The following PXN variants were observed in gnomAD, a reference collection of about 807,000 sequenced individuals.
The protein encoded by PXN is paxillin, also known as testicular tissue protein Li 134.
In PXN, 61 loss-of-function variants were observed where a neutral mutation model predicts 103.6. The observed-to-expected ratio is 0.59, with a 90% CI of 0.48 to 0.73. The LOEUF (loss-of-function observed/expected upper bound fraction) is 0.73. PXN is among the 30% of genes least tolerant of loss of function. The pLI is 0.00. For synonymous variants in PXN, 562 were observed against 607.8 expected, an observed-to-expected ratio of 0.92 and a Z score of 1.11; for missense variants, 1,274 against 1,460.3, an observed-to-expected ratio of 0.87 and a Z score of 2.08.
At position 120,222,759 on chromosome 12, in the gene PXN, G is replaced by A. The variant is rs941506629; in HGVS notation, c.494-9C>T. ...GCTTGAGTTGGCCTCATCTTGCAGA[G>A]AGGAGAGAAAAAGGCTGCTCAGCCC... On this transcript the variant is annotated splice_polypyrimidine_tract_variant and intron_variant, in intron 4 of 14. Transcript: ENST00000637617. This position sits in a 1 kb window ranked among gnomAD's most constrained non-coding sequence, Gnocchi z 4.7. 1 of 1,602,446 alleles carries A rather than the reference G, an allele frequency of 6.2e-7. No individual in the cohort carries two copies. Among genetic ancestry groups the A allele is most frequent in the African/African-American group, 1.3e-5 (1 of 74,494 alleles).
chr12:120,233,069 C>A (rs1047849446), intron 1 of PXN, among the ~76,000 whole-genome samples: 2 of 152,210 alleles, frequency 1.3e-5, no homozygotes, highest in Non-Finnish European at 2.9e-5. Context: ...CCACAGCCAA[C>A]CACTTGGACT....
intron 1 of PXN, among the ~76,000 whole-genome samples, chr12:120,263,559 G>A (rs1430726664): frequency 6.6e-6 from 1 of 152,212 alleles, no homozygotes; most frequent in Admixed American, 6.5e-5. Flanking sequence ...GTCATTTCAT[G>A]GCTGTGCAGC....
At chr12:120,257,697 A>G (rs1893238636) in intron 1 of PXN, among the ~76,000 whole-genome samples, 2 of 152,218 alleles carry the variant, frequency 1.3e-5, no homozygotes, top group Admixed American at 6.5e-5. Flanking sequence ...TGGGGATTCC[A>G]GGAGGGGGAG....
intron 1 of PXN, among the ~76,000 whole-genome samples, chr12:120,231,524 G>C (rs982943955): frequency 3.9e-5 from 6 of 152,164 alleles, no homozygotes; most frequent in African/African-American, 1.4e-4. Context: ...CAGGAAGCCA[G>C]GGGAGAAGGC....
chr12:120,255,708 T>A (rs1436300150), intron 1 of PXN, among the ~76,000 whole-genome samples: 1 of 150,344 alleles, frequency 6.7e-6, no homozygotes, highest in Non-Finnish European at 1.5e-5. Context: ...AAGATAATAA[T>A]AAATTTAAAA....
chr12:120,214,892 T>G lies in PXN; in HGVS notation c.2681A>C (p.Tyr894Ser), dbSNP rs772646199. 6.2e-7 allele frequency: 1 copy of G among 1,614,018 alleles called. No individual in the cohort carries two copies. The highest frequency in any genetic ancestry group is 2.2e-5 in the East Asian group (1 of 44,886). The change falls in exon 12 of 15, where the codon TAC becomes TCC. Residue 894 changes from tyrosine to serine, a missense_variant. Tyr to Ser is a moderately radical substitution (Grantham distance 144). Around this residue, in one of 2 missense-constraint regions of PXN, gnomAD observed 1,178 missense variants for 1,309.0 expected, o/e 0.90. Transcript: ENST00000637617. The surrounding 1 kb of genome is among the most constrained non-coding windows in gnomAD (Gnocchi z 5.0). ...GAGGTTGTGGTAGTCCTTTTCACAG[T>G]AGGGCTGTCCATCCCGCTCGAAGAA... ...RNFFERDGQPYCEKDYHNLFS... is the reference protein window; with the variant it reads ...RNFFERDGQPSCEKDYHNLFS...
chr12:120,233,315 C>CT (rs952257312), intron 1 of PXN, among the ~76,000 whole-genome samples: 8 of 151,326 alleles, frequency 5.3e-5, no homozygotes, highest in East Asian at 1.9e-4. Flanking sequence ...CATAGGCCTC[C>CT]TTTTTTTTTG....
In PXN at chr12:120,212,035, A is replaced by G. The variant is rs535183529; in HGVS notation, c.*279T>C. The stretch of plus-strand genomic sequence containing the variant: ...GCCAGGCCAGTTCGTGGGGACGTAC[A>G]TGGGCTGGGGTGGAGCCCCCAGCCT... On this transcript the variant is annotated 3_prime_UTR_variant, in exon 15 of 15. Transcript: ENST00000637617. The surrounding 1 kb of genome is among the most constrained non-coding windows in gnomAD (Gnocchi z 7.2). 2 of 679,416 alleles carry G rather than the reference A, an allele frequency of 2.9e-6. No homozygotes were observed. Among genetic ancestry groups the G allele is most frequent in the East Asian group, 3.0e-5 (1 of 33,396 alleles). 42.1% of individuals were successfully genotyped at this position (679,416 alleles called of 1,614,324 possible). A position where few individuals can be genotyped will look rare whatever the true frequency, so the allele number is the denominator to read the frequency against.
intron 1 of PXN, among the ~76,000 whole-genome samples, chr12:120,237,152 C>T (rs961441640): frequency 2.2e-4 from 19 of 87,484 alleles, no homozygotes; most frequent in Non-Finnish European, 3.5e-4. Context: ...TGTGTATACA[C>T]ACACACACAC....
At position 120,217,177 on chromosome 12, in the gene PXN, A is replaced by G; in HGVS notation, c.1717-61T>C. 1 of 1,357,752 alleles carries G rather than the reference A, an allele frequency of 7.4e-7. No individual in the cohort carries two copies. Among genetic ancestry groups the G allele is most frequent in the Non-Finnish European group, 1.0e-6 (1 of 985,322 alleles). The allele number at this position is 1,357,752 out of a possible 1,614,324, so 84.1% of individuals were successfully genotyped here. ...ACTCCCAGCTTGCACAACGCTGCTC[A>G]GGCCACACTCAGATGCCTCAGGAGA... On this transcript the variant is annotated intron_variant, in intron 7 of 14. Coordinates refer to ENST00000637617, the MANE Select transcript of PXN (RefSeq NM_001385981.1). The surrounding 1 kb of genome is among the most constrained non-coding windows in gnomAD (Gnocchi z 4.1).
At chr12:120,223,921 C>T in intron 2 of PXN, 88 bp from the exon 3 acceptor site, 2 of 1,069,590 alleles carry the variant, frequency 1.9e-6, no homozygotes, top group South Asian at 2.9e-5. Flanking sequence ...CCAGGAGGCT[C>T]CTGCCCACAG....
chr12:120,261,811 G>T (rs1388277737), intron 1 of PXN, among the ~76,000 whole-genome samples: 1 of 152,216 alleles, frequency 6.6e-6, no homozygotes. Flanking sequence ...AGGGCTTTGG[G>T]TTCCAGTAGG....
chr12:120,215,395 ACCT>A lies in PXN; in HGVS notation c.2404-125_2404-123del, dbSNP rs1219489160. 2 of 1,456,988 alleles carry A rather than the reference ACCT, an allele frequency of 1.4e-6. No individual in the cohort carries two copies. The highest frequency in any genetic ancestry group is 1.4e-5 in the African/African-American group (1 of 70,494). 90.3% of individuals were successfully genotyped at this position (1,456,988 alleles called of 1,614,324 possible). ...TGAGCTGATGGAGACAAGAAGTACA[ACCT>A]CCTCCAGGGGCCAGGAGCCCTAAAG... On this transcript the variant is annotated intron_variant, in intron 10 of 14. Coordinates refer to ENST00000637617, the MANE Select transcript of PXN (RefSeq NM_001385981.1). This position sits in a 1 kb window ranked among gnomAD's most constrained non-coding sequence, Gnocchi z 4.9.
chr12:120,214,032 C>T lies in PXN; in HGVS notation c.2831-42G>A. On this transcript the variant is annotated intron_variant, in intron 13 of 14. Transcript: ENST00000637617. This position sits in a 1 kb window ranked among gnomAD's most constrained non-coding sequence, Gnocchi z 5.0. Reference sequence around the variant, plus strand: ...TTGGAGGCACAGTTCATTCCGGCTTCCAGAAGTGGAGCCACTCTGACTCCA... The same window carrying T: ...TTGGAGGCACAGTTCATTCCGGCTTTCAGAAGTGGAGCCACTCTGACTCCA... The T allele has an allele frequency of 6.2e-7, 1 of 1,601,656 alleles. No individual in the cohort carries two copies. Among genetic ancestry groups the T allele is most frequent in the Non-Finnish European group, 8.5e-7 (1 of 1,174,852 alleles).
At chr12:120,250,254 G>T in intron 1 of PXN, 1 of 937,174 alleles carries the variant, frequency 1.1e-6, no homozygotes, top group Non-Finnish European at 1.3e-6. Flanking sequence ...AGGGGGCAAA[G>T]CTCGGCCAGG....
chr12:120,227,521 T>C (rs1440508657), intron 1 of PXN, among the ~76,000 whole-genome samples: 2 of 152,130 alleles, frequency 1.3e-5, no homozygotes, highest in Admixed American at 6.5e-5. Flanking sequence ...GAACAAATCA[T>C]AGAGTGCAGA....
In PXN at chr12:120,241,173, G is replaced by A. The variant is rs375214587; in HGVS notation, c.14-16796C>T. 2.0e-5 allele frequency among the ~76,000 whole-genome samples: 3 copies of A among 152,172 alleles called. No homozygotes were observed. The East Asian group carries it at 5.8e-4, about 29-fold the overall frequency. On this transcript the variant is annotated intron_variant, in intron 1 of 14. Coordinates refer to ENST00000637617, the MANE Select transcript of PXN (RefSeq NM_001385981.1). ...AATCTGAATGAAACCACTGCCATGGGCAGGCCTGACAGTGCACCACCCTGC... is the reference window on the plus strand; with the variant it reads ...AATCTGAATGAAACCACTGCCATGGACAGGCCTGACAGTGCACCACCCTGC...
Position 120,265,091 on chromosome 12 carries a change from G to A in PXN, c.13+526C>T, listed in dbSNP as rs887670846. Among the ~76,000 whole-genome samples the A allele has an allele frequency of 6.6e-6, 1 of 152,088 alleles. No individual in the cohort carries two copies. The highest frequency in any genetic ancestry group is 1.5e-5 in the Non-Finnish European group (1 of 68,006). On this transcript the variant is annotated intron_variant, in intron 1 of 14. Coordinates refer to ENST00000637617, the MANE Select transcript of PXN (RefSeq NM_001385981.1). The surrounding 1 kb of genome is among the most constrained non-coding windows in gnomAD (Gnocchi z 5.7). The stretch of plus-strand genomic sequence containing the variant: ...TGGGCTCCGAGGGGTTATCCCTGAA[G>A]GGGGGTGCTAGTCTGTGAAGTGGGG...
rs535237576 is a variant in PXN, at chr12:120,254,652, G to A, written c.13+10965C>T. ...TGCAACCTCCGCCTCCCAGGTTCAA[G>A]AGATTCTCCTGCCTCAGCCTCCCAA... On this transcript the variant is annotated intron_variant, in intron 1 of 14. Transcript: ENST00000637617. Among the ~76,000 whole-genome samples, 11 of 152,074 alleles carry A rather than the reference G, an allele frequency of 7.2e-5. No homozygotes were observed. The South Asian group carries it at 2.3e-3, about 32-fold the overall frequency.
Sources: allele counts gnomAD v4.1 joint callset (sites outside exome capture counted in the v4.1 genomes callset), GRCh38; gene constraint gnomAD v4.1.1; regional missense constraint gnomAD v4.1.1; non-coding constraint Gnocchi (gnomAD v3.1); transcripts MANE v1.5; gene names NCBI Gene and HGNC (gene_info 2026-07-23, HGNC 2026-07-21).